The following TMED3 variants were observed in gnomAD, a reference collection of about 807,000 sequenced individuals.
TMED3 encodes transmembrane p24 trafficking protein 3, also known as transmembrane emp24 domain-containing protein 3.
A neutral mutation model predicts 15.0 loss-of-function variants in TMED3; 9 were observed. The ratio of observed to expected loss-of-function variants is 0.60; its 90% CI spans 0.36 to 1.04. The LOEUF is 1.04. TMED3 is among the 50% of genes least tolerant of loss of function. The pLI is 0.01. For missense variants in TMED3, 267 were observed against 278.9 expected (o/e 0.96, Z 0.30); for synonymous variants, 117 against 121.4 (o/e 0.96, Z 0.24).
intron 2 of TMED3, among the ~76,000 whole-genome samples, chr15:79,403,495 A>T (rs57986778): frequency 0.034 from 5,128 of 152,072 alleles, 275 homozygotes; most frequent in African/African-American, 0.11. Context: ...TTTTACCATT[A>T]TCTCTTGGTG....
intron 2 of TMED3, among the ~76,000 whole-genome samples, chr15:79,370,055 G>A (rs1893307476): frequency 6.6e-6 from 1 of 152,164 alleles, no homozygotes; most frequent in Admixed American, 6.5e-5. Context: ...AACTTGCCCT[G>A]TAGGGAATGT....
intron 1 of TMED3, among the ~76,000 whole-genome samples, chr15:79,312,178 G>C (rs1166629385): frequency 6.6e-6 from 1 of 152,190 alleles, no homozygotes; most frequent in South Asian, 2.1e-4. Flanking sequence ...GACGCATGCT[G>C]ATAGGCACTT....
intron 2 of TMED3, among the ~76,000 whole-genome samples, chr15:79,376,859 T>C (rs2141247510): frequency 6.6e-6 from 1 of 152,334 alleles, no homozygotes; most frequent in East Asian, 1.9e-4. Flanking sequence ...TTGGTAGTTT[T>C]TGCAGACCTC....
At chr15:79,316,082 C>T (rs1227011541) in intron 2 of TMED3, 1 of 152,260 alleles carries the variant, frequency 6.6e-6, no homozygotes, top group East Asian at 1.9e-4. Context: ...TCTTGCTTGG[C>T]ATGGGTCCCC....
chr15:79,400,190 A>G (rs995202506), intron 2 of TMED3, among the ~76,000 whole-genome samples: 1 of 152,044 alleles, frequency 6.6e-6, no homozygotes, highest in African/African-American at 2.4e-5. Context: ...GTCACTCCTC[A>G]CAGCACTGGT....
chr15:79,393,669 G>T lies in TMED3; in HGVS notation c.418-17731G>T, dbSNP rs968443479. On this transcript the variant is annotated intron_variant, in intron 2 of 2. Transcript: ENST00000424155. ...ATAAATGCCTAGAAGAAATACAGAGGAGTCCCATTTGGTTCATCTAAGCAT... is the reference window on the plus strand; with the variant it reads ...ATAAATGCCTAGAAGAAATACAGAGTAGTCCCATTTGGTTCATCTAAGCAT... Among the ~76,000 whole-genome samples the T allele has an allele frequency of 2.0e-5, 3 of 152,236 alleles. No individual in the cohort carries two copies. The South Asian group carries it at 6.2e-4, about 32-fold the overall frequency.
intron 2 of TMED3, among the ~76,000 whole-genome samples, chr15:79,341,227 A>C: frequency 9.2e-5 from 1 of 10,862 alleles, no homozygotes; most frequent in Admixed American, 1.6e-3. Context: ...AAGGTGAAGA[A>C]AGAAAGCCAG....
At chr15:79,330,742 G>C (rs893907677) in intron 2 of TMED3, among the ~76,000 whole-genome samples, 5 of 152,016 alleles carry the variant, frequency 3.3e-5, no homozygotes, top group Non-Finnish European at 7.4e-5. Context: ...TGAGCAAAAG[G>C]AACAAAGCCT....
chr15:79,396,522 C>T (rs1001443789), intron 2 of TMED3, among the ~76,000 whole-genome samples: 1 of 152,196 alleles, frequency 6.6e-6, no homozygotes, highest in Non-Finnish European at 1.5e-5. Flanking sequence ...GTTTCCTCAA[C>T]GCATGGTAAT....
At chr15:79,388,664 G>GTAA (rs1339504574) in intron 2 of TMED3, among the ~76,000 whole-genome samples, 2 of 152,086 alleles carry the variant, frequency 1.3e-5, no homozygotes, top group East Asian at 3.9e-4. Flanking sequence ...AGTTCATGAA[G>GTAA]TAATCTTCAC....
chr15:79,380,127 C>T (rs1001970069), intron 2 of TMED3, among the ~76,000 whole-genome samples: 6 of 151,922 alleles, frequency 3.9e-5, no homozygotes, highest in Non-Finnish European at 7.4e-5. Flanking sequence ...AGGGAGGGGC[C>T]GGATCACGAG....
At chr15:79,327,609 T>TG (rs1237959669), downstream of TMED3, among the ~76,000 whole-genome samples, 1 of 152,258 alleles carries the variant, frequency 6.6e-6, no homozygotes, top group African/African-American at 2.4e-5. Flanking sequence ...AGCACAATAC[T>TG]GGTCTGAGAC....
intron 2 of TMED3, among the ~76,000 whole-genome samples, chr15:79,331,170 C>T (rs963236699): frequency 3.9e-5 from 6 of 152,292 alleles, no homozygotes; most frequent in Non-Finnish European, 7.4e-5. Context: ...AATCTGCCCC[C>T]ATGATCTAAT....
Position 79,311,431 on chromosome 15 carries a change from C to G in TMED3, c.168+14C>G, listed in dbSNP as rs764611469. 1.3e-6 allele frequency: 2 copies of G among 1,596,676 alleles called. No homozygotes were observed. The highest frequency in any genetic ancestry group is 3.4e-5 in the Admixed American group (2 of 58,984). On this transcript the variant is annotated intron_variant, in intron 1 of 2. Transcript: ENST00000299705. ...CTGGATTACCAGGTGAGGCCGGGCGCCCGGCAGCGCTCCCTTCTCCCTCCA... is the reference window on the plus strand; with the variant it reads ...CTGGATTACCAGGTGAGGCCGGGCGGCCGGCAGCGCTCCCTTCTCCCTCCA...
At chr15:79,389,212 T>TA (rs1567038569) in intron 2 of TMED3, among the ~76,000 whole-genome samples, 1 of 152,222 alleles carries the variant, frequency 6.6e-6, no homozygotes, top group East Asian at 1.9e-4. Context: ...CTAGAATTTT[T>TA]ATAGTTTCAG....
intron 2 of TMED3, among the ~76,000 whole-genome samples, chr15:79,398,606 T>A (rs1376657140): frequency 6.6e-6 from 1 of 152,064 alleles, no homozygotes; most frequent in Non-Finnish European, 1.5e-5. Context: ...TCATGCAGAG[T>A]TAGTCCCCTT....
intron 2 of TMED3, among the ~76,000 whole-genome samples, chr15:79,385,840 T>C (rs1463581691): frequency 6.6e-6 from 1 of 152,084 alleles, no homozygotes; most frequent in Non-Finnish European, 1.5e-5. Context: ...CTTCATGGAG[T>C]GTGCAGTGCC....
At chr15:79,397,772 G>C (rs1371362109) in intron 2 of TMED3, among the ~76,000 whole-genome samples, 1 of 152,200 alleles carries the variant, frequency 6.6e-6, no homozygotes, top group Admixed American at 6.5e-5. Context: ...AGCATTAAGA[G>C]TTCTATCCAG....
chr15:79,397,058 A>C (rs534858578), intron 2 of TMED3, among the ~76,000 whole-genome samples: 2 of 152,246 alleles, frequency 1.3e-5, no homozygotes, highest in Non-Finnish European at 2.9e-5. Flanking sequence ...TCTTGAAAGC[A>C]GGAGTGTCAA....
Sources: allele counts gnomAD v4.1 joint callset (sites outside exome capture counted in the v4.1 genomes callset), GRCh38; gene constraint gnomAD v4.1.1; transcripts MANE v1.5; gene names NCBI Gene and HGNC (gene_info 2026-07-23, HGNC 2026-07-21).